UBE2QL1: variants seen among roughly 807,000 people sequenced by gnomAD.
UBE2QL1 encodes ubiquitin conjugating enzyme E2 QL1.
A neutral mutation model predicts 12.6 loss-of-function variants in UBE2QL1; 5 were observed. The observed-to-expected ratio is 0.40, with a 90% CI of 0.21 to 0.83. The LOEUF (loss-of-function observed/expected upper bound fraction) is 0.83, where lower values mean the gene tolerates loss of function less well. UBE2QL1 is among the 40% of genes least tolerant of loss of function. The probability of loss-of-function intolerance (pLI) is 0.37; values close to 1 mark genes in which losing one functional copy is unlikely to be tolerated. For synonymous variants in UBE2QL1, 96 were observed against 94.5 expected, an observed-to-expected ratio of 1.02 and a Z score of -0.10; for missense variants, 99 against 222.6, an observed-to-expected ratio of 0.44 and a Z score of 3.53.
At chr5:6,491,096 C>G in intron 1 of UBE2QL1, 122 bp from the exon 2 acceptor site, 1 of 1,113,906 alleles carries the variant, frequency 9.0e-7, no homozygotes, top group East Asian at 2.7e-5. Context: ...TGCTGGTGGC[C>G]AGTGCATTGC....
chr5:6,457,558 G>A (rs1291782264), intron 1 of UBE2QL1, among the ~76,000 whole-genome samples: 5 of 135,366 alleles, frequency 3.7e-5, no homozygotes, highest in Non-Finnish European at 7.7e-5. Flanking sequence ...CCCTTCTTGC[G>A]ATGCAACGTA....
At chr5:6,488,256 G>C (rs77546148) in intron 1 of UBE2QL1, among the ~76,000 whole-genome samples, 2 of 152,124 alleles carry the variant, frequency 1.3e-5, no homozygotes, top group African/African-American at 4.8e-5. Context: ...CTGGGGTTTT[G>C]TTTGTTGTTT....
chr5:6,483,299 C>T (rs114130969), intron 1 of UBE2QL1, among the ~76,000 whole-genome samples: 10,892 of 152,058 alleles, frequency 0.072, 433 homozygotes, highest in Middle Eastern at 0.12. Context: ...ATTAACAGGG[C>T]GTGGTGGTGC....
At chr5:6,466,699 A>G (rs1739803399) in intron 1 of UBE2QL1, among the ~76,000 whole-genome samples, 1 of 152,260 alleles carries the variant, frequency 6.6e-6, no homozygotes, top group Non-Finnish European at 1.5e-5. Flanking sequence ...CCACAAAGCC[A>G]GGGCCGTCAA....
chr5:6,472,751 A>G (rs1243142427), intron 1 of UBE2QL1, among the ~76,000 whole-genome samples: 1 of 151,900 alleles, frequency 6.6e-6, no homozygotes, highest in Non-Finnish European at 1.5e-5. Context: ...TCTCTTTCTC[A>G]TCTTTTATTG....
At chr5:6,451,697 A>C (rs899791176) in intron 1 of UBE2QL1, among the ~76,000 whole-genome samples, 2 of 152,252 alleles carry the variant, frequency 1.3e-5, no homozygotes, top group Non-Finnish European at 2.9e-5. Flanking sequence ...AATATTCAAA[A>C]TGCAATGAAA....
intron 1 of UBE2QL1, among the ~76,000 whole-genome samples, chr5:6,452,568 C>T (rs1181695160): frequency 1.3e-5 from 2 of 152,022 alleles, no homozygotes; most frequent in Non-Finnish European, 2.9e-5. Context: ...GTTACTGAAC[C>T]AAAAGAATAC....
At chr5:6,473,648 C>G (rs1170347608) in intron 1 of UBE2QL1, among the ~76,000 whole-genome samples, 3 of 152,242 alleles carry the variant, frequency 2.0e-5, no homozygotes, top group African/African-American at 7.2e-5. Flanking sequence ...ATTCTAGCAT[C>G]TACAAATAAT....
chr5:6,491,896 A>C lies in UBE2QL1; in HGVS notation c.*547A>C, dbSNP rs1445739163. 1 of 152,376 alleles carries C rather than the reference A, an allele frequency of 6.6e-6. No homozygotes were observed. The highest frequency in any genetic ancestry group is 2.4e-5 in the African/African-American group (1 of 41,442). The allele number at this position is 152,376 out of a possible 1,614,324, so 9.4% of individuals were successfully genotyped here. ...TCCGCTGTGATGACATTTAGACCTC[A>C]TTTGTGCTATGACCTTTGGCTCATG... On this transcript the variant is annotated 3_prime_UTR_variant, in exon 2 of 2. Coordinates refer to ENST00000399816, the MANE Select transcript of UBE2QL1 (RefSeq NM_001145161.3).
rs1734320973 is a variant in UBE2QL1 at position 6,479,747 on chromosome 5, T to C, written c.355-11471T>C. On this transcript the variant is annotated intron_variant, in intron 1 of 1. Coordinates refer to ENST00000399816, the MANE Select transcript of UBE2QL1 (RefSeq NM_001145161.3). The surrounding 1 kb of genome is among the most constrained non-coding windows in gnomAD (Gnocchi z 4.2). ...GCGGCCCAAGAAAAGCAGCTTCCTT[T>C]TGCATTCTGGTCCTGGCCAAAATGA... Among the ~76,000 whole-genome samples the C allele has an allele frequency of 6.6e-6, 1 of 152,128 alleles. No individual in the cohort carries two copies. Among genetic ancestry groups the C allele is most frequent in the Admixed American group, 6.5e-5 (1 of 15,274 alleles).
chr5:6,471,107 G>A (rs1291930832), intron 1 of UBE2QL1, among the ~76,000 whole-genome samples: 3 of 152,204 alleles, frequency 2.0e-5, no homozygotes, highest in Non-Finnish European at 1.5e-5. Flanking sequence ...TTTAGGGAAT[G>A]GGTTTTGGCC....
chr5:6,460,175 A>C (rs1436536497), intron 1 of UBE2QL1, among the ~76,000 whole-genome samples: 1 of 151,930 alleles, frequency 6.6e-6, no homozygotes, highest in Admixed American at 6.6e-5. Context: ...AGTGTGGCTC[A>C]CTCCTGGGCA....
intron 1 of UBE2QL1, among the ~76,000 whole-genome samples, chr5:6,452,535 A>T (rs2126319199): frequency 6.6e-6 from 1 of 152,304 alleles, no homozygotes; most frequent in Non-Finnish European, 1.5e-5. Context: ...ATACTTTTAG[A>T]TAATTATTTG....
At chr5:6,483,407 C>G (rs1478154047) in intron 1 of UBE2QL1, among the ~76,000 whole-genome samples, 3 of 151,684 alleles carry the variant, frequency 2.0e-5, no homozygotes, top group Admixed American at 6.6e-5. Context: ...CCACTGCACT[C>G]CAGCCTGGGT....
At chr5:6,466,508 G>A (rs1049336275) in intron 1 of UBE2QL1, among the ~76,000 whole-genome samples, 7 of 152,210 alleles carry the variant, frequency 4.6e-5, no homozygotes, top group South Asian at 2.1e-4. Context: ...GGCCCCTGGC[G>A]GGCAGCAACA....
At chr5:6,466,837 T>C (rs1293214672) in intron 1 of UBE2QL1, among the ~76,000 whole-genome samples, 2 of 152,184 alleles carry the variant, frequency 1.3e-5, no homozygotes, top group Non-Finnish European at 2.9e-5. Context: ...ATAAGCTTTA[T>C]GGGGTTTTGT....
intron 1 of UBE2QL1, among the ~76,000 whole-genome samples, chr5:6,463,550 C>A (rs1004900820): frequency 6.6e-6 from 1 of 151,568 alleles, no homozygotes; most frequent in African/African-American, 2.4e-5. Context: ...GGAGCGAGAC[C>A]GTGGTCCGAA....
At chr5:6,483,383 G>T (rs1459939919) in intron 1 of UBE2QL1, among the ~76,000 whole-genome samples, 1 of 151,998 alleles carries the variant, frequency 6.6e-6, no homozygotes, top group Non-Finnish European at 1.5e-5. Flanking sequence ...AGGTTGCAGT[G>T]AGCCAAGATC....
chr5:6,461,928 C>T (rs779470191), intron 1 of UBE2QL1, among the ~76,000 whole-genome samples: 19 of 152,268 alleles, frequency 1.2e-4, no homozygotes, highest in South Asian at 4.1e-4. Flanking sequence ...TTGGATAAGC[C>T]GCAGGCTCTC....
Sources: allele counts gnomAD v4.1 joint callset (sites outside exome capture counted in the v4.1 genomes callset), GRCh38; gene constraint gnomAD v4.1.1; non-coding constraint Gnocchi (gnomAD v3.1); transcripts MANE v1.5; gene names NCBI Gene and HGNC (gene_info 2026-07-23, HGNC 2026-07-21).